The following YIF1B variants were observed in gnomAD, a reference collection of about 807,000 sequenced individuals.
YIF1B encodes protein YIF1B.
A neutral mutation model predicts 34.6 loss-of-function variants in YIF1B; 24 were observed. The observed-to-expected ratio is 0.69, with a 90% CI of 0.50 to 0.98. The LOEUF (loss-of-function observed/expected upper bound fraction) is 0.98. YIF1B is among the 50% of genes least tolerant of loss of function. YIF1B has a pLI of 0.00. For missense variants in YIF1B, 368 were observed against 429.4 expected (o/e 0.86, Z 1.26); for synonymous variants, 186 against 184.8 (o/e 1.01, Z -0.05).
rs1262958689 is a variant in YIF1B, at chr19:38,304,624, C to G, written c.*728G>C. On this transcript the variant is annotated 3_prime_UTR_variant, in exon 8 of 8. Transcript: ENST00000339413. ...GCCTCACTGCCGCACCTCCATCCAG[C>G]AAGGACACCACAGCTCTTCCGACTC... 3 of 1,613,358 alleles carry G rather than the reference C, an allele frequency of 1.9e-6. No homozygotes were observed. The highest frequency in any genetic ancestry group is 1.3e-5 in the African/African-American group (1 of 74,916).
chr19:38,313,290 T>C (rs1969400218), intron 1 of YIF1B, among the ~76,000 whole-genome samples: 1 of 113,330 alleles, frequency 8.8e-6, no homozygotes, highest in Non-Finnish European at 1.8e-5. Flanking sequence ...AGACGGAGTC[T>C]CACTGTCACC....
Position 38,304,727 on chromosome 19 carries a change from A to G in YIF1B, c.*625T>C. 3.7e-6 allele frequency: 6 copies of G among 1,613,056 alleles called. No individual in the cohort carries two copies. The highest frequency in any genetic ancestry group is 1.3e-5 in the African/African-American group (1 of 74,996). On this transcript the variant is annotated 3_prime_UTR_variant, in exon 8 of 8. Coordinates refer to ENST00000339413, the MANE Select transcript of YIF1B (RefSeq NM_001039672.3). ...CAGCGTCCCCAAGCACGTGCCCTGC[A>G]CCCCAGAGAGGCGTCCCCGCACTGG...
intron 1 of YIF1B, among the ~76,000 whole-genome samples, chr19:38,311,633 G>C (rs957974727): frequency 1.3e-5 from 2 of 152,204 alleles, no homozygotes; most frequent in Non-Finnish European, 2.9e-5. Flanking sequence ...GCCTCACGTG[G>C]GGAACAGATG....
At chr19:38,305,843 C>G (rs922291187) in intron 7 of YIF1B, among the ~76,000 whole-genome samples, 4 of 152,206 alleles carry the variant, frequency 2.6e-5, no homozygotes, top group Non-Finnish European at 2.9e-5. Flanking sequence ...ATGCTGCCCC[C>G]CCTTATGCTG....
At chr19:38,308,185 T>G (rs1969146091) in intron 5 of YIF1B, among the ~76,000 whole-genome samples, 1 of 152,000 alleles carries the variant, frequency 6.6e-6, no homozygotes, top group African/African-American at 2.4e-5. Flanking sequence ...TGATCTAGCC[T>G]GGGGGGCAGG....
At chr19:38,320,256 G>T (rs777002704), upstream of YIF1B, 1 of 1,606,310 alleles carries the variant, frequency 6.2e-7, no homozygotes, top group Non-Finnish European at 8.5e-7. Context: ...TCGCCAGCAC[G>T]CTGATCACCA....
chr19:38,315,391 T>A (rs1247269843), intron 1 of YIF1B: 7 of 1,180,788 alleles, frequency 5.9e-6, no homozygotes, highest in Non-Finnish European at 7.4e-6. Context: ...ACAAGTTAGG[T>A]TGAATGAATA....
chr19:38,304,750 T>C lies in YIF1B; in HGVS notation c.*602A>G. The C allele has an allele frequency of 6.2e-7, 1 of 1,611,076 alleles. No individual in the cohort carries two copies. Among genetic ancestry groups the C allele is most frequent in the Middle Eastern group, 1.7e-4 (1 of 6,014 alleles). On this transcript the variant is annotated 3_prime_UTR_variant, in exon 8 of 8. Coordinates refer to ENST00000339413, the MANE Select transcript of YIF1B (RefSeq NM_001039672.3). The stretch of plus-strand genomic sequence containing the variant: ...GCACCCCAGAGAGGCGTCCCCGCAC[T>C]GGGGCTGGCGGGGAGGGTGCGGGGA...
chr19:38,308,984 A>G lies in YIF1B; in HGVS notation c.476T>C (p.Ile159Thr), dbSNP rs1366545172. 1 of 1,600,412 alleles carries G rather than the reference A, an allele frequency of 6.2e-7. No individual in the cohort carries two copies. ...RFDVNAPDLYIPAMAFITYVL... is the reference protein window; with the variant it reads ...RFDVNAPDLYTPAMAFITYVL... ...GGGTAGGGGGAGGGTGAAACCTGGA[A>G]TGTAGAGGTCCGGGGCATTGACGTC... Residue 159 changes from isoleucine (I) to threonine (T), a missense_variant, in exon 4 of 8, where the codon ATT becomes ACT. By Grantham distance (89) the Ile-to-Thr change is moderately conservative. This residue lies in a region of YIF1B where 208 missense variants were observed against 247.8 expected (regional missense o/e 0.84). Transcript: ENST00000339413.
rs1296496168 is a variant in YIF1B at position 38,313,123 on chromosome 19, TGTATTTTTA to T, written c.58+2728_58+2736del. On this transcript the variant is annotated intron_variant, in intron 1 of 7. Coordinates refer to ENST00000339413, the MANE Select transcript of YIF1B (RefSeq NM_001039672.3). ...CACGCCACCAAGCCCAGGTAATTTT[TGTATTTTTA>T]GTAGAGATGGGGTTTCACCATTTTG... Among the ~76,000 whole-genome samples, 3 of 152,068 alleles carry T rather than the reference TGTATTTTTA, an allele frequency of 2.0e-5. No individual in the cohort carries two copies. The East Asian group carries it at 5.8e-4, about 29-fold the overall frequency.
rs768366842 is a variant in YIF1B at position 38,304,671 on chromosome 19, G to A, written c.*681C>T. The A allele has an allele frequency of 1.9e-6, 3 of 1,613,678 alleles. No homozygotes were observed. The highest frequency in any genetic ancestry group is 3.3e-4 in the Middle Eastern group (2 of 6,062). ...ACTCCAGCAGCAGCTCCAGCGATTCGGACACGGATGTGAAGGTAAGGGGCT... is the reference window on the plus strand; with the variant it reads ...ACTCCAGCAGCAGCTCCAGCGATTCAGACACGGATGTGAAGGTAAGGGGCT... On this transcript the variant is annotated 3_prime_UTR_variant, in exon 8 of 8. Coordinates refer to ENST00000339413, the MANE Select transcript of YIF1B (RefSeq NM_001039672.3).
chr19:38,319,939 C>T (rs1969626887), upstream of YIF1B: 2 of 1,417,734 alleles, frequency 1.4e-6, no homozygotes, highest in Admixed American at 3.3e-5. Context: ...TCGCGGGGTC[C>T]CGGTGGGTGC....
rs1968910254 is a variant in YIF1B at position 38,304,692 on chromosome 19, G to C, written c.*660C>G. On this transcript the variant is annotated 3_prime_UTR_variant, in exon 8 of 8. Transcript: ENST00000339413. Reference sequence around the variant, plus strand: ...ATTCGGACACGGATGTGAAGGTAAGGGGCTCTCGCCAGCGTCCCCAAGCAC... The same window carrying C: ...ATTCGGACACGGATGTGAAGGTAAGCGGCTCTCGCCAGCGTCCCCAAGCAC... 6.2e-7 allele frequency: 1 copy of C among 1,613,562 alleles called. No homozygotes were observed.
At chr19:38,318,601 C>T (rs548100638), upstream of YIF1B, among the ~76,000 whole-genome samples, 1 of 152,220 alleles carries the variant, frequency 6.6e-6, no homozygotes, top group African/African-American at 2.4e-5. Flanking sequence ...CAGGTGTCCA[C>T]AGGGCCTGGC....
chr19:38,314,232 T>C (rs1367793616), intron 1 of YIF1B, among the ~76,000 whole-genome samples: 4 of 145,940 alleles, frequency 2.7e-5, no homozygotes, highest in Admixed American at 1.4e-4. Context: ...TCTCACTCTG[T>C]CACCCAGGCT....
At position 38,305,435 on chromosome 19, in the gene YIF1B, G is replaced by T; in HGVS notation, c.862C>A (p.Gln288Lys). ...EGVPVRGARN[Q>K]LRMYLTMAVA... ...GCCATGGTCAGGTACATGCGCAGCTGGTTCCGGGCCCCACGCACCGGGACC... is the reference window on the plus strand; with the variant it reads ...GCCATGGTCAGGTACATGCGCAGCTTGTTCCGGGCCCCACGCACCGGGACC... The change falls in exon 8 of 8, where the codon CAG becomes AAG. Residue 288 changes from glutamine (Q) to lysine (K), a missense_variant. Gln to Lys is a moderately conservative substitution (Grantham distance 53). Coordinates refer to ENST00000339413, the MANE Select transcript of YIF1B (RefSeq NM_001039672.3). The T allele has an allele frequency of 6.2e-7, 1 of 1,610,510 alleles. No homozygotes were observed. Among genetic ancestry groups the T allele is most frequent in the Non-Finnish European group, 8.5e-7 (1 of 1,178,268 alleles).
chr19:38,307,109 G>C (rs1044876332), intron 7 of YIF1B: 6 of 497,852 alleles, frequency 1.2e-5, no homozygotes, highest in East Asian at 5.1e-5. Flanking sequence ...GGGCTCTAGA[G>C]AATCTCCTTC....
intron 1 of YIF1B, 148 bp downstream of exon 1, chr19:38,315,712 C>T: frequency 6.2e-7 from 1 of 1,609,022 alleles, no homozygotes; most frequent in Non-Finnish European, 8.5e-7. Flanking sequence ...CAAGGGGCCT[C>T]CTACCCGAAC....
upstream of YIF1B, chr19:38,319,757 G>A (rs193100536): frequency 2.9e-5 from 16 of 555,438 alleles, 1 homozygote; most frequent in Admixed American, 6.0e-4. Context: ...CCTGGCGGTT[G>A]GGCGTGCCTC....
Sources: gnomAD v4.1 joint callset for allele counts (sites outside exome capture counted in the v4.1 genomes callset) on GRCh38, gnomAD v4.1.1 for gene constraint, gnomAD v4.1.1 regional missense constraint, MANE v1.5 for transcripts, NCBI Gene and HGNC (gene_info 2026-07-23, HGNC 2026-07-21) for gene names.